The following DMD variants were observed in gnomAD, a reference collection of about 807,000 sequenced individuals.
DMD encodes the protein mutant dystrophin.
A neutral mutation model predicts 330.1 loss-of-function variants in DMD; 63 were observed. That is an observed-to-expected ratio of 0.19 (90% CI 0.16 to 0.24). DMD has a LOEUF of 0.24. Ranked by LOEUF, DMD falls within the 10% of genes least tolerant of loss-of-function variation. The pLI is 1.00. For missense variants in DMD, 3,344 were observed against 2,684.1 expected, an observed-to-expected ratio of 1.25 and a Z score of -5.43; for synonymous variants, 1,223 against 959.8, an observed-to-expected ratio of 1.27 and a Z score of -5.07.
intron 44 of DMD, among the ~76,000 whole-genome samples, chrX:32,124,343 C>T (rs752200226): frequency 2.7e-5 from 3 of 112,123 alleles, no homozygotes; most frequent in African/African-American, 6.5e-5. Flanking sequence ...CAACGTTGTC[C>T]GAAGCTAGAG....
intron 63 of DMD, among the ~76,000 whole-genome samples, chrX:31,253,212 C>T (rs1200837317): frequency 2.7e-5 from 3 of 111,512 alleles, no homozygotes; most frequent in Admixed American, 9.5e-5. Context: ...GGGACTTGCC[C>T]GAGGTCACAC....
In DMD at chrX:31,126,788, A is replaced by T. The variant is rs1615430; in HGVS notation, c.11015-115T>A. 9.7e-6 allele frequency: 4 copies of T among 412,294 alleles called. No homozygotes were observed. The East Asian group carries it at 1.8e-4, about 19-fold the overall frequency. The allele number at this position is 412,294 out of a possible 1,213,427, so 34.0% of individuals were successfully genotyped here. A position where few individuals can be genotyped will look rare whatever the true frequency, so the allele number is the denominator to read the frequency against. On this transcript the variant is annotated intron_variant, in intron 77 of 78. Coordinates refer to ENST00000357033, the MANE Select transcript of DMD (RefSeq NM_004006.3). ...TTACCAAACAAATGTTGAGATGACC[A>T]TTTATTCTCTGCTGGAAAAAAAAAA... is the stretch of plus-strand genomic sequence containing the variant.
At chrX:32,897,985 GT>G (rs753460250) in intron 2 of DMD, among the ~76,000 whole-genome samples, 33 of 112,173 alleles carry the variant, frequency 2.9e-4, no homozygotes, top group South Asian at 3.7e-4. Flanking sequence ...ATTTTTAAGA[GT>G]TTTTTCCACC....
At chrX:32,637,275 A>G (rs2059164823) in intron 11 of DMD, among the ~76,000 whole-genome samples, 2 of 112,184 alleles carry the variant, frequency 1.8e-5, no homozygotes, top group Admixed American at 1.9e-4. Flanking sequence ...AGCATCTGGC[A>G]CAGTGCCTGG....
intron 29 of DMD, among the ~76,000 whole-genome samples, chrX:32,419,305 C>G (rs1052093127): frequency 3.6e-5 from 4 of 112,009 alleles, no homozygotes; most frequent in African/African-American, 1.3e-4. Flanking sequence ...ACAAGATTCA[C>G]TTTGTTGCTT....
chrX:32,796,058 T>C (rs770960213), intron 7 of DMD, among the ~76,000 whole-genome samples: 3 of 110,703 alleles, frequency 2.7e-5, no homozygotes, highest in East Asian at 5.7e-4. Flanking sequence ...AGAAGATTTC[T>C]CAAAAAACTA....
rs1247114981 is a variant in DMD at position 32,717,589 on chromosome X, G to T, written c.650-18296C>A. On this transcript the variant is annotated intron_variant, in intron 7 of 78. Transcript: ENST00000357033. ...GGGCAGTGCAGAAGGGTAATGTGGG[G>T]TTAGAGCTCTCACACAGAGTCCCCA... 4.5e-5 allele frequency among the ~76,000 whole-genome samples: 5 copies of T among 111,828 alleles called. No individual in the cohort carries two copies. The East Asian group carries it at 1.4e-3, about 32-fold the overall frequency.
At chrX:32,758,347 G>A (rs746367038) in intron 7 of DMD, among the ~76,000 whole-genome samples, 1 of 111,439 alleles carries the variant, frequency 9.0e-6, no homozygotes, top group African/African-American at 3.3e-5. Context: ...AGCTCACGCA[G>A]CTCTAGATGG....
At chrX:33,272,603 G>C (rs935272846) in intron 1 of DMD, among the ~76,000 whole-genome samples, 1 of 110,125 alleles carries the variant, frequency 9.1e-6, no homozygotes, top group Non-Finnish European at 1.9e-5. Flanking sequence ...ATGTTGTGGA[G>C]GAACTGATGG....
At chrX:32,907,063 A>C (rs1172048260) in intron 2 of DMD, among the ~76,000 whole-genome samples, 3 of 112,189 alleles carry the variant, frequency 2.7e-5, no homozygotes, top group Non-Finnish European at 5.6e-5. Flanking sequence ...CAAATTCCAG[A>C]ATAAAAACAT....
intron 9 of DMD, among the ~76,000 whole-genome samples, chrX:32,683,957 C>T (rs1156389519): frequency 2.8e-5 from 3 of 107,108 alleles, no homozygotes; most frequent in Non-Finnish European, 5.8e-5. Context: ...AAAAAAATTG[C>T]ACCATAGAAG....
At chrX:31,645,040 T>G (rs1238120120) in intron 54 of DMD, among the ~76,000 whole-genome samples, 1 of 112,015 alleles carries the variant, frequency 8.9e-6, no homozygotes, top group Non-Finnish European at 1.9e-5. Flanking sequence ...AATTATGAGT[T>G]ACTTCCATTC....
chrX:32,585,951 C>T (rs182672042), intron 13 of DMD, among the ~76,000 whole-genome samples: 23 of 109,875 alleles, frequency 2.1e-4, no homozygotes, highest in African/African-American at 7.6e-4. Context: ...AAATGTATTA[C>T]AACAGACCGT....
intron 51 of DMD, among the ~76,000 whole-genome samples, chrX:31,748,511 T>C (rs1330902469): frequency 8.9e-6 from 1 of 112,051 alleles, no homozygotes; most frequent in Admixed American, 9.5e-5. Context: ...TCCCCATTAC[T>C]ATCTACTCAA....
At chrX:31,289,733 C>T (rs73212316) in intron 62 of DMD, among the ~76,000 whole-genome samples, 1 of 110,612 alleles carries the variant, frequency 9.0e-6, no homozygotes, top group African/African-American at 3.3e-5. Context: ...ACATATTTTA[C>T]GATATTCTTT....
At chrX:31,875,505 C>T in intron 47 of DMD, 132 bp from the exon 48 acceptor site, 1 of 496,795 alleles carries the variant, frequency 2.0e-6, no homozygotes. Context: ...ATTTTAGCAG[C>T]ATAATATTGA....
chrX:32,512,470 T>A (rs746796462), intron 18 of DMD, among the ~76,000 whole-genome samples: 1 of 112,048 alleles, frequency 8.9e-6, no homozygotes, highest in Admixed American at 9.5e-5. Context: ...AAATCACATA[T>A]CCATATAGTT....
At chrX:32,808,735 C>G (rs1022955236) in intron 7 of DMD, among the ~76,000 whole-genome samples, 1 of 111,970 alleles carries the variant, frequency 8.9e-6, no homozygotes, top group Non-Finnish European at 1.9e-5. Context: ...CCACCGATTT[C>G]ACTTTTCCAA....
chrX:31,222,055 G>A (rs1179646479), intron 64 of DMD, among the ~76,000 whole-genome samples: 1 of 110,892 alleles, frequency 9.0e-6, no homozygotes, highest in Non-Finnish European at 1.9e-5. Flanking sequence ...AATTAGCCAG[G>A]CGTGGTGGTG....
Sources: gnomAD v4.1 joint callset for allele counts (sites outside exome capture counted in the v4.1 genomes callset) on GRCh38, gnomAD v4.1.1 for gene constraint, MANE v1.5 for transcripts, NCBI Gene and HGNC (gene_info 2026-07-23, HGNC 2026-07-21) for gene names.